Variants in ZNF462 observed in about 807,000 individuals in gnomAD.
ZNF462 encodes the protein zinc finger PBX1-interacting protein.
A neutral mutation model predicts 201.9 loss-of-function variants in ZNF462; 10 were observed. The observed-to-expected ratio is 0.05, with a 90% CI of 0.03 to 0.08. The LOEUF is 0.08. Among genes scored for constraint, ZNF462 ranks in the 10% least tolerant of loss-of-function variants. The pLI is 1.00. For missense variants in ZNF462, 2,523 were observed against 3,168.3 expected (o/e 0.80, Z 4.89); for synonymous variants, 1,227 against 1,193.3 (o/e 1.03, Z -0.58).
At chr9:106,903,183 C>T (rs1829135804) in intron 1 of ZNF462, among the ~76,000 whole-genome samples, 1 of 152,056 alleles carries the variant, frequency 6.6e-6, no homozygotes, top group South Asian at 2.1e-4. Flanking sequence ...TCATTTTTGA[C>T]CCAATGTTCA....
chr9:106,887,855 C>G (rs368218555), intron 1 of ZNF462, among the ~76,000 whole-genome samples: 160 of 152,220 alleles, frequency 1.1e-3, no homozygotes, highest in African/African-American at 3.8e-3. Context: ...GAAAGAAAGA[C>G]TGATAATAAA....
chr9:106,881,712 A>G (rs1341661643), intron 1 of ZNF462, among the ~76,000 whole-genome samples: 2 of 152,182 alleles, frequency 1.3e-5, no homozygotes, highest in Non-Finnish European at 2.9e-5. Context: ...GGTAAAATTG[A>G]CAAACATATA....
chr9:106,996,397 C>T (rs1828736343), intron 10 of ZNF462, among the ~76,000 whole-genome samples: 2 of 152,150 alleles, frequency 1.3e-5, no homozygotes. Flanking sequence ...CCACAGTCTT[C>T]CACAATGGTT....
intron 9 of ZNF462, among the ~76,000 whole-genome samples, chr9:106,980,622 C>T (rs1056752798): frequency 1.3e-5 from 2 of 152,166 alleles, no homozygotes; most frequent in African/African-American, 4.8e-5. Context: ...CACCTTAGTA[C>T]ACATGTGCTT....
Position 106,984,190 on chromosome 9 carries a change from G to C in ZNF462, c.6837G>C (p.Glu2279Asp), listed in dbSNP as rs748650930. The C allele has an allele frequency of 1.9e-6, 3 of 1,612,430 alleles. No individual in the cohort carries two copies. The change falls in exon 10 of 13, where the codon GAG (glutamate) becomes GAC (aspartate). Residue 2279 changes from glutamate to aspartate, a missense_variant. Around this residue, in one of 15 missense-constraint regions of ZNF462, gnomAD observed 228 missense variants for 361.2 expected, o/e 0.63. Coordinates refer to ENST00000277225, the MANE Select transcript of ZNF462 (RefSeq NM_021224.6). This position sits in a 1 kb window ranked among gnomAD's most constrained non-coding sequence, Gnocchi z 6.4. ...CCATTCAATTTGTTTCCACAGAAGA[G>C]CGTGTTGTCCCCATTGAAGTTTGCC... is the stretch of plus-strand genomic sequence containing the variant. The part of the protein sequence containing the change: ...MIDHIVLHRE[E>D]RVVPIEVCRS...
At chr9:106,936,998 T>G (rs965527991) in intron 6 of ZNF462, among the ~76,000 whole-genome samples, 1 of 152,230 alleles carries the variant, frequency 6.6e-6, no homozygotes, top group African/African-American at 2.4e-5. Context: ...TCCATGACAT[T>G]GCTTTGAGTG....
chr9:107,009,721 G>C lies in ZNF462; in HGVS notation c.7313+53G>C. On this transcript the variant is annotated intron_variant, in intron 12 of 12. Coordinates refer to ENST00000277225, the MANE Select transcript of ZNF462 (RefSeq NM_021224.6). This position sits in a 1 kb window ranked among gnomAD's most constrained non-coding sequence, Gnocchi z 6.1. ...TTGTCCAAAGCAAGAGGTAGGGAGG[G>C]AGGGAGGGGCTCTTGTTTTGGTTCC... 7.1e-7 allele frequency: 1 copy of C among 1,417,968 alleles called. No homozygotes were observed. The highest frequency in any genetic ancestry group is 1.4e-5 in the African/African-American group (1 of 70,530). The allele number at this position is 1,417,968 out of a possible 1,614,324, so 87.8% of individuals were successfully genotyped here.
At chr9:106,893,420 C>T (rs889988376) in intron 1 of ZNF462, among the ~76,000 whole-genome samples, 7 of 152,178 alleles carry the variant, frequency 4.6e-5, no homozygotes, top group African/African-American at 1.4e-4. Flanking sequence ...ATAGAGTAGT[C>T]CTTGGAGTCA....
chr9:106,873,482 G>T (rs1448334909), intron 1 of ZNF462, among the ~76,000 whole-genome samples: 4 of 151,792 alleles, frequency 2.6e-5, no homozygotes, highest in African/African-American at 9.7e-5. Flanking sequence ...AAGCCTCAGT[G>T]CCCTGTATTG....
At chr9:106,998,851 G>A (rs1201514812) in intron 10 of ZNF462, among the ~76,000 whole-genome samples, 1 of 151,842 alleles carries the variant, frequency 6.6e-6, no homozygotes, top group East Asian at 1.9e-4. Flanking sequence ...TCAAGTGATC[G>A]ACTCATCTCA....
intron 7 of ZNF462, among the ~76,000 whole-genome samples, chr9:106,941,826 G>A (rs1830884321): frequency 1.3e-5 from 2 of 152,228 alleles, no homozygotes; most frequent in South Asian, 4.1e-4. Flanking sequence ...GGCTGGGCAG[G>A]CCCAAAGTGG....
intron 1 of ZNF462, among the ~76,000 whole-genome samples, chr9:106,899,609 G>GA (rs1828970910): frequency 6.6e-6 from 1 of 152,122 alleles, no homozygotes; most frequent in East Asian, 1.9e-4. Context: ...TTACTGGGTG[G>GA]AGTTGAGACC....
Position 107,009,682 on chromosome 9 carries a change from C to A in ZNF462, c.7313+14C>A. On this transcript the variant is annotated intron_variant, in intron 12 of 12. Coordinates refer to ENST00000277225, the MANE Select transcript of ZNF462 (RefSeq NM_021224.6). The surrounding 1 kb of genome is among the most constrained non-coding windows in gnomAD (Gnocchi z 6.1). ...GAGACACGGCATGTAAGTTGGGCCA[C>A]TTCAAGGATGCCTTTGTCCAAAGCA... is the stretch of plus-strand genomic sequence containing the variant. 1 of 1,461,910 alleles carries A rather than the reference C, an allele frequency of 6.8e-7. No individual in the cohort carries two copies. The allele number at this position is 1,461,910 out of a possible 1,614,324, so 90.6% of individuals were successfully genotyped here.
At chr9:106,908,529 A>G (rs1829368915) in intron 1 of ZNF462, among the ~76,000 whole-genome samples, 1 of 151,996 alleles carries the variant, frequency 6.6e-6, no homozygotes, top group African/African-American at 2.4e-5. Flanking sequence ...AACTTTTTGT[A>G]TCATTTTACT....
intron 1 of ZNF462, among the ~76,000 whole-genome samples, chr9:106,882,412 A>G (rs1232934419): frequency 6.6e-6 from 1 of 152,242 alleles, no homozygotes; most frequent in Non-Finnish European, 1.5e-5. Context: ...GCTTCTGAGC[A>G]GTCATTTCTG....
At chr9:106,878,197 C>T (rs1024202969) in intron 1 of ZNF462, among the ~76,000 whole-genome samples, 2 of 152,190 alleles carry the variant, frequency 1.3e-5, no homozygotes, top group Non-Finnish European at 2.9e-5. Flanking sequence ...TCCTCTGCTC[C>T]AGTTTCTTAT....
In ZNF462 at chr9:106,898,580, T is replaced by TATC. The variant is rs537441162; in HGVS notation, c.-30-24772_-30-24770dup. On this transcript the variant is annotated intron_variant, in intron 1 of 12. Coordinates refer to ENST00000277225, the MANE Select transcript of ZNF462 (RefSeq NM_021224.6). ...GCCCAGGACAGCCTCTCACAATAAT[T>TATC]ATCAGGCTTCAAATGGGAATAGCAC... Among the ~76,000 whole-genome samples, 19 of 152,204 alleles carry TATC rather than the reference T, an allele frequency of 1.2e-4. No individual in the cohort carries two copies. The South Asian group carries it at 3.9e-3, about 32-fold the overall frequency.
chr9:107,001,144 A>G (rs932566266), intron 10 of ZNF462, among the ~76,000 whole-genome samples: 4 of 152,142 alleles, frequency 2.6e-5, no homozygotes, highest in Non-Finnish European at 4.4e-5. Context: ...GCTGCCTTTT[A>G]TGTGCTAGTC....
chr9:106,979,188 G>C (rs753363271), intron 9 of ZNF462: 2 of 154,070 alleles, frequency 1.3e-5, no homozygotes, highest in East Asian at 3.8e-4. Context: ...TGGCCTCTTC[G>C]TGGGGACATT....
Sources: allele counts gnomAD v4.1 joint callset (sites outside exome capture counted in the v4.1 genomes callset), GRCh38; gene constraint gnomAD v4.1.1; regional missense constraint gnomAD v4.1.1; non-coding constraint Gnocchi (gnomAD v3.1); transcripts MANE v1.5; gene names NCBI Gene and HGNC (gene_info 2026-07-23, HGNC 2026-07-21).